Variants in SNRNP200 observed in about 807,000 individuals in gnomAD.
The protein encoded by SNRNP200 is U5 small nuclear ribonucleoprotein 200 kDa helicase.
SNRNP200 carries 66 observed loss-of-function variants against 255.2 expected under a neutral mutation model. That is an observed-to-expected ratio of 0.26 (90% CI 0.21 to 0.32). SNRNP200 has a LOEUF of 0.32. SNRNP200 is among the 10% of genes least tolerant of loss of function. The pLI is 1.00. For synonymous variants in SNRNP200, 939 were observed against 1,027.8 expected, an observed-to-expected ratio of 0.91 and a Z score of 1.65; for missense variants, 1,585 against 2,749.8, an observed-to-expected ratio of 0.58 and a Z score of 9.47.
chr2:96,279,261 C>A, intron 36 of SNRNP200, 190 bp downstream of exon 36: 1 of 661,040 alleles, frequency 1.5e-6, no homozygotes, highest in Non-Finnish European at 2.7e-6. Context: ...ACACGTGGAG[C>A]CAACGGCAGC....
In SNRNP200 at chr2:96,276,700, G is replaced by A. The variant is rs769970112; in HGVS notation, c.6174+204C>T. ...CTCCCAAAGTGCTGGGATTACAGGC[G>A]TGAGCCACTGCGCCCGGCCCTAAAC... On this transcript the variant is annotated intron_variant, in intron 43 of 44. Coordinates refer to ENST00000323853, the MANE Select transcript of SNRNP200 (RefSeq NM_014014.5). 17 of 674,408 alleles carry A rather than the reference G, an allele frequency of 2.5e-5. No individual in the cohort carries two copies. The East Asian group carries it at 3.3e-4, about 13-fold the overall frequency. The allele number at this position is 674,408 out of a possible 1,614,324, so 41.8% of individuals were successfully genotyped here.
rs774669313 is a variant in SNRNP200 at position 96,281,938 on chromosome 2, G to A, written c.4916-16C>T. On this transcript the variant is annotated splice_polypyrimidine_tract_variant and intron_variant, in intron 34 of 44. Transcript: ENST00000323853. ...TGGATAGCCCCTGAGCAGTAGAGGGGAGAGGAAGGCTGAGGGCAGGGGTCT... is the reference window on the plus strand; with the variant it reads ...TGGATAGCCCCTGAGCAGTAGAGGGAAGAGGAAGGCTGAGGGCAGGGGTCT... The A allele has an allele frequency of 1.7e-5, 28 of 1,605,412 alleles. No homozygotes were observed. In the East Asian group the frequency reaches 5.8e-4, roughly 33 times the overall value.
Position 96,301,562 on chromosome 2 carries a change from A to T in SNRNP200, c.536T>A (p.Ile179Asn). ...TTCCTTATCTCCACCATAGTCTGTG[A>T]TCTTTTTGCCCAGGTTCACTAGCAC... ...YHVLVNLGKK[I>N]TDYGGDKEIQ... Residue 179 changes from isoleucine (I) to asparagine (N), a missense_variant, in exon 4 of 45, where the codon ATC becomes AAC. Physicochemically the swap from Ile to Asn is moderately radical, Grantham distance 149. Transcript: ENST00000323853. 2 of 1,614,184 alleles carry T rather than the reference A, an allele frequency of 1.2e-6. No homozygotes were observed. The highest frequency in any genetic ancestry group is 1.7e-6 in the Non-Finnish European group (2 of 1,180,034).
In SNRNP200 at chr2:96,295,515, G is replaced by A; in HGVS notation, c.1815C>T (p.Tyr605=). ...IITRKGGERT[Y]TQLVRLIILD... is the part of the protein sequence containing the mutation. ...GAATGATGAGCCGCACCAGCTGGGT[G>A]TAGGTGCGCTCACCACCCTTGCGGG... The change falls in exon 14 of 45, where the codon TAC becomes TAT. Residue 605 remains tyrosine, a synonymous_variant. Transcript: ENST00000323853. 6.2e-7 allele frequency: 1 copy of A among 1,613,754 alleles called. No homozygotes were observed. Among genetic ancestry groups the A allele is most frequent in the Non-Finnish European group, 8.5e-7 (1 of 1,180,010 alleles).
chr2:96,304,711 CTT>C lies in SNRNP200; in HGVS notation c.201_202del (p.Arg68SerfsTer7). The C allele has an allele frequency of 6.2e-7, 1 of 1,614,118 alleles. No individual in the cohort carries two copies. The highest frequency in any genetic ancestry group is 8.5e-7 in the Non-Finnish European group (1 of 1,179,968). On this transcript the variant is annotated frameshift_variant, in exon 2 of 45. Coordinates refer to ENST00000323853, the MANE Select transcript of SNRNP200 (RefSeq NM_014014.5). LOFTEE classifies it high-confidence loss of function. ...GTATCCCCTTGGCACTCACTTGGCTCTTCTTTCCTCCTGCATCTGCGGTTTGG... is the reference window on the plus strand; with the variant it reads ...GTATCCCCTTGGCACTCACTTGGCTCCTTTCCTCCTGCATCTGCGGTTTGG...
intron 35 of SNRNP200, chr2:96,281,238 C>G (rs923571506): frequency 1.3e-5 from 2 of 153,360 alleles, no homozygotes; most frequent in African/African-American, 5.0e-5. Flanking sequence ...GGGATCTCAG[C>G]TCACTGTAGC....
In SNRNP200 at chr2:96,304,766, T is replaced by A; in HGVS notation, c.148A>T (p.Thr50Ser). The change falls in exon 2 of 45, where the codon ACC (threonine) becomes TCC (serine). Residue 50 changes from threonine (T) to serine (S), a missense_variant. This residue lies in a region of SNRNP200 where 383 missense variants were observed against 645.3 expected (regional missense o/e 0.59). Coordinates refer to ENST00000323853, the MANE Select transcript of SNRNP200 (RefSeq NM_014014.5). ...VLSLVGKLEG[T>S]RMGDKAQRTK... ...CGTTGAGCCTTGTCTCCCATACGGG[T>A]GCCCTCCAGCTTCCCAACAAGGGAC... 1 of 1,614,178 alleles carries A rather than the reference T, an allele frequency of 6.2e-7. No individual in the cohort carries two copies.
intron 6 of SNRNP200, 111 bp downstream of exon 6, chr2:96,299,218 T>A: frequency 9.4e-7 from 1 of 1,064,454 alleles, no homozygotes; most frequent in Non-Finnish European, 1.5e-6. Flanking sequence ...TTATTATAGT[T>A]CACTCCAGCA....
At chr2:96,297,290 C>T in intron 11 of SNRNP200, 73 bp downstream of exon 11, 12 of 1,585,190 alleles carry the variant, frequency 7.6e-6, no homozygotes, top group Non-Finnish European at 1.0e-5. Flanking sequence ...AACAAGGCTA[C>T]ATTTTGGTCA....
chr2:96,299,415 C>T lies in SNRNP200; in HGVS notation c.643G>A (p.Asp215Asn). ...FESDEEEGDEDVYGEVREEAS... is the reference protein window; with the variant it reads ...FESDEEEGDENVYGEVREEAS... ...TCTTCTCGAACCTCCCCGTATACGT[C>T]TTCATCACCTTCCTGTGGAAATGAC... Residue 215 changes from aspartate (D) to asparagine (N), a missense_variant, in exon 6 of 45, where the codon GAC (aspartate) becomes AAC (asparagine). By Grantham distance (23) the Asp-to-Asn change is conservative. This residue lies in a region of SNRNP200 where 383 missense variants were observed against 645.3 expected (regional missense o/e 0.59). Coordinates refer to ENST00000323853, the MANE Select transcript of SNRNP200 (RefSeq NM_014014.5). 1 of 1,613,826 alleles carries T rather than the reference C, an allele frequency of 6.2e-7. No individual in the cohort carries two copies. The highest frequency in any genetic ancestry group is 8.5e-7 in the Non-Finnish European group (1 of 1,179,808).
Position 96,293,413 on chromosome 2 carries a change from G to A in SNRNP200, c.1939C>T (p.Arg647Ter). 1.2e-6 allele frequency: 2 copies of A among 1,613,694 alleles called. No homozygotes were observed. The highest frequency in any genetic ancestry group is 1.1e-5 in the South Asian group (1 of 91,064). ...RNIEMTQEDV[R>*]LIGLSATLPN... Reference sequence around the variant, plus strand: ...AGGGTGGCACTGAGACCAATGAGTCGGACATCCTCTTGGGTCATCTCAATG... The same window carrying A: ...AGGGTGGCACTGAGACCAATGAGTCAGACATCCTCTTGGGTCATCTCAATG... Residue 647 changes from arginine (R) to a stop codon, truncating the protein, a stop_gained, in exon 15 of 45, where the codon CGA becomes TGA. Transcript: ENST00000323853. LOFTEE classifies it high-confidence loss of function.
Position 96,296,920 on chromosome 2 carries a change from G to A in SNRNP200, c.1515+13C>T. The A allele has an allele frequency of 2.5e-6, 4 of 1,614,154 alleles. No homozygotes were observed. Among genetic ancestry groups the A allele is most frequent in the Non-Finnish European group, 3.4e-6 (4 of 1,180,018 alleles). On this transcript the variant is annotated intron_variant, in intron 12 of 44. Coordinates refer to ENST00000323853, the MANE Select transcript of SNRNP200 (RefSeq NM_014014.5). ...ATATTCTACAAGAAAACAGCAGGCA[G>A]GGTGGCGCTTACAGTAGGAGCACAC...
At position 96,286,496 on chromosome 2, in the gene SNRNP200, G is replaced by A. The variant is rs2063844264; in HGVS notation, c.3830-12C>T. The stretch of plus-strand genomic sequence containing the variant: ...CTGGGTCTCACAAGCTGCCAGAAAA[G>A]AAACAGGAAGGATATAAGCACTGCT... On this transcript the variant is annotated splice_polypyrimidine_tract_variant and intron_variant, in intron 28 of 44. Coordinates refer to ENST00000323853, the MANE Select transcript of SNRNP200 (RefSeq NM_014014.5). The surrounding 1 kb of genome is among the most constrained non-coding windows in gnomAD (Gnocchi z 4.8). 1.9e-6 allele frequency: 3 copies of A among 1,613,906 alleles called. No individual in the cohort carries two copies. Among genetic ancestry groups the A allele is most frequent in the East Asian group, 4.5e-5 (2 of 44,878 alleles).
At position 96,281,857 on chromosome 2, in the gene SNRNP200, C is replaced by A. The variant is rs376199066; in HGVS notation, c.4981G>T (p.Val1661Leu). The A allele has an allele frequency of 7.9e-5, 128 of 1,614,002 alleles. No homozygotes were observed. The highest frequency in any genetic ancestry group is 1.1e-4 in the Non-Finnish European group (125 of 1,180,004). The stretch of plus-strand genomic sequence containing the variant: ...TAGTACTGGGTATCCATGATGATTA[C>A]CAGGTGGGCAGCCACGTTCATGCCC... The part of the protein sequence containing the change: ...CWGMNVAAHL[V>L]IIMDTQYYNG... Residue 1661 changes from valine to leucine, a missense_variant, in exon 35 of 45, where the codon GTA becomes TTA. Physicochemically the swap from Val to Leu is conservative, Grantham distance 32. Transcript: ENST00000323853.
intron 3 of SNRNP200, 31 bp downstream of exon 3, chr2:96,303,128 C>A (rs1441565067): frequency 6.2e-7 from 1 of 1,605,038 alleles, no homozygotes; most frequent in Admixed American, 1.7e-5. Flanking sequence ...GAAATAAAGA[C>A]CTAATATATA....
intron 30 of SNRNP200, 95 bp downstream of exon 30, chr2:96,285,085 T>G: frequency 6.9e-7 from 1 of 1,442,982 alleles, no homozygotes; most frequent in Non-Finnish European, 9.7e-7. Context: ...ACTGAGGAAA[T>G]GACCCTGCAA....
At chr2:96,279,394 T>C (rs1573989069) in intron 36 of SNRNP200, 57 bp downstream of exon 36, 1 of 1,102,464 alleles carries the variant, frequency 9.1e-7, no homozygotes, top group Non-Finnish European at 1.4e-6. Context: ...AAAAGAAAGA[T>C]TAAAGAATCC....
Position 96,296,607 on chromosome 2 carries a change from C to T in SNRNP200, c.1600G>A (p.Asp534Asn), listed in dbSNP as rs763354385. The T allele has an allele frequency of 5.0e-6, 8 of 1,614,014 alleles. No individual in the cohort carries two copies. Among genetic ancestry groups the T allele is most frequent in the Non-Finnish European group, 6.8e-6 (8 of 1,180,014 alleles). The change falls in exon 13 of 45, where the codon GAT (aspartate) becomes AAT (asparagine). Residue 534 changes from aspartate (D) to asparagine (N), a missense_variant. Physicochemically the swap from Asp to Asn is conservative, Grantham distance 23. Around this residue, in one of 9 missense-constraint regions of SNRNP200, gnomAD observed 383 missense variants for 645.3 expected, o/e 0.59. Transcript: ENST00000323853. ...GCAATGTAGATAATCTTGAAGTCAT[C>T]CACATTGATGGTGCCGTCCATGTTT... ...HINMDGTINVDDFKIIYIAPM... is the reference protein window; with the variant it reads ...HINMDGTINVNDFKIIYIAPM...
At position 96,274,633 on chromosome 2, in the gene SNRNP200, A is replaced by C. The variant is rs1372201552; in HGVS notation, c.*379T>G. 2.9e-6 allele frequency: 1 copy of C among 349,232 alleles called. No homozygotes were observed. The highest frequency in any genetic ancestry group is 2.1e-5 in the African/African-American group (1 of 46,746). The allele number at this position is 349,232 out of a possible 1,614,324, so 21.6% of individuals were successfully genotyped here. ...GTCTGTCCTCCAGACATACTCATTA[A>C]CAAGCACGTTCCTGGCTAAAAAATA... is the stretch of plus-strand genomic sequence containing the variant. On this transcript the variant is annotated 3_prime_UTR_variant, in exon 45 of 45. Coordinates refer to ENST00000323853, the MANE Select transcript of SNRNP200 (RefSeq NM_014014.5).
Sources: allele counts gnomAD v4.1 joint callset, GRCh38; gene constraint gnomAD v4.1.1; regional missense constraint gnomAD v4.1.1; non-coding constraint Gnocchi (gnomAD v3.1); transcripts MANE v1.5; gene names NCBI Gene and HGNC (gene_info 2026-07-23, HGNC 2026-07-21).